Variants in PLD1 observed in about 807,000 individuals in gnomAD.
PLD1 encodes the protein choline phosphatase 1.
Under a neutral mutation model 137.1 loss-of-function variants are expected in PLD1, and 112 were observed. The ratio of observed to expected loss-of-function variants is 0.82; its 90% CI spans 0.70 to 0.96. The LOEUF (loss-of-function observed/expected upper bound fraction) is 0.96, where lower values mean the gene tolerates loss of function less well. Ranked by LOEUF, PLD1 falls within the 40% of genes least tolerant of loss-of-function variation. The probability of loss-of-function intolerance (pLI) is 0.00; values close to 1 mark genes in which losing one functional copy is unlikely to be tolerated. For synonymous variants in PLD1, 431 were observed against 454.7 expected (o/e 0.95, Z 0.66); for missense variants, 1,321 against 1,342.0 (o/e 0.98, Z 0.24).
At position 171,688,996 on chromosome 3, in the gene PLD1, A is replaced by AATT. The variant is rs1714859438; in HGVS notation, c.1339-121_1339-120insAAT. On this transcript the variant is annotated intron_variant, in intron 13 of 26. Coordinates refer to ENST00000351298, the MANE Select transcript of PLD1 (RefSeq NM_002662.5). Reference sequence around the variant, plus strand: ...TATAATTCAAATACCAAACTGTACAACGTATACACCAAAGAAAATAATTTT... The same window carrying AATT: ...TATAATTCAAATACCAAACTGTACAAATTCGTATACACCAAAGAAAATAATTTT... The AATT allele has an allele frequency of 4.1e-5, 28 of 688,776 alleles. No homozygotes were observed. The Admixed American group carries it at 5.2e-4, about 13-fold the overall frequency. 42.7% of individuals were successfully genotyped at this position (688,776 alleles called of 1,614,324 possible). A position where few individuals can be genotyped will look rare whatever the true frequency, so the allele number is the denominator to read the frequency against.
chr3:171,741,629 G>T (rs961522347), intron 1 of PLD1, among the ~76,000 whole-genome samples: 1 of 152,182 alleles, frequency 6.6e-6, no homozygotes, highest in African/African-American at 2.4e-5. Flanking sequence ...CCCATGGAGA[G>T]ATAAGAGCAG....
intron 1 of PLD1, among the ~76,000 whole-genome samples, chr3:171,787,231 C>T (rs1186524518): frequency 2.0e-5 from 3 of 152,184 alleles, no homozygotes; most frequent in African/African-American, 7.2e-5. Flanking sequence ...TACCAACTAA[C>T]AGGTAGCTGA....
chr3:171,761,385 C>A (rs928544863), intron 1 of PLD1, among the ~76,000 whole-genome samples: 2 of 152,198 alleles, frequency 1.3e-5, no homozygotes, highest in African/African-American at 4.8e-5. Context: ...AGAGCCAGCA[C>A]TCTCCAGGAG....
chr3:171,611,107 C>T (rs976676734), intron 25 of PLD1, among the ~76,000 whole-genome samples: 1 of 152,292 alleles, frequency 6.6e-6, no homozygotes, highest in South Asian at 2.1e-4. Context: ...GTGCCCTTCC[C>T]GAAAGGGCAT....
At chr3:171,643,745 C>CTTTG (rs3836455) in intron 22 of PLD1, among the ~76,000 whole-genome samples, 76,696 of 151,176 alleles carry the variant, frequency 0.51, 20,440 homozygotes, top group African/African-American at 0.68. Flanking sequence ...ACTTGAAAAG[C>CTTTG]TTTATCATTT....
chr3:171,715,340 C>T (rs1198179470), intron 8 of PLD1, among the ~76,000 whole-genome samples: 1 of 152,152 alleles, frequency 6.6e-6, no homozygotes, highest in Non-Finnish European at 1.5e-5. Flanking sequence ...CAATACCATA[C>T]TGTTTTGGTT....
chr3:171,611,773 G>A (rs1732677208), intron 25 of PLD1: 1 of 388,192 alleles, frequency 2.6e-6, no homozygotes, highest in Admixed American at 3.2e-5. Flanking sequence ...GGTTTGACCT[G>A]GTCTAGTCCT....
Position 171,612,134 on chromosome 3 carries a change from G to T in PLD1, c.2882+145C>A, listed in dbSNP as rs758404399. The T allele has an allele frequency of 7.2e-5, 46 of 635,184 alleles. No individual in the cohort carries two copies. Among genetic ancestry groups the T allele is most frequent in the Non-Finnish European group, 1.2e-4 (42 of 363,686 alleles). The allele number at this position is 635,184 out of a possible 1,614,324, so 39.3% of individuals were successfully genotyped here. On this transcript the variant is annotated intron_variant, in intron 25 of 26. Coordinates refer to ENST00000351298, the MANE Select transcript of PLD1 (RefSeq NM_002662.5). This position sits in a 1 kb window ranked among gnomAD's most constrained non-coding sequence, Gnocchi z 4.1. ...ACCTAAAGTCATTTCGCATACTACT[G>T]GTGGTACATATCCTATATTCTGGGA...
At chr3:171,655,844 G>A (rs1389869567) in intron 21 of PLD1, among the ~76,000 whole-genome samples, 1 of 152,176 alleles carries the variant, frequency 6.6e-6, no homozygotes, top group Non-Finnish European at 1.5e-5. Flanking sequence ...CTAAATGTGT[G>A]ACATATGTAC....
intron 1 of PLD1, among the ~76,000 whole-genome samples, chr3:171,758,447 C>A (rs770664559): frequency 5.3e-5 from 8 of 152,210 alleles, no homozygotes; most frequent in Non-Finnish European, 1.0e-4. Flanking sequence ...CACCATCTGT[C>A]TCTCTGGGAC....
chr3:171,797,991 G>C (rs1358787063), intron 1 of PLD1, among the ~76,000 whole-genome samples: 1 of 152,094 alleles, frequency 6.6e-6, no homozygotes, highest in Admixed American at 6.5e-5. Context: ...TGAAACAATA[G>C]ATAACAGTTA....
Position 171,602,999 on chromosome 3 carries a change from G to A in PLD1, c.*79C>T. The A allele has an allele frequency of 1.9e-6, 2 of 1,047,662 alleles. No homozygotes were observed. Among genetic ancestry groups the A allele is most frequent in the South Asian group, 2.6e-5 (2 of 76,110 alleles). The allele number at this position is 1,047,662 out of a possible 1,614,324, so 64.9% of individuals were successfully genotyped here. A position where few individuals can be genotyped will look rare whatever the true frequency, so the allele number is the denominator to read the frequency against. On this transcript the variant is annotated 3_prime_UTR_variant, in exon 27 of 27. Coordinates refer to ENST00000351298, the MANE Select transcript of PLD1 (RefSeq NM_002662.5). ...ACGAGAATGCGTCAGGCCTGGCTTT[G>A]GCTATGACATCCCCAGGAAGTCACT...
At chr3:171,727,093 T>C (rs887025349) in intron 6 of PLD1, among the ~76,000 whole-genome samples, 3 of 152,198 alleles carry the variant, frequency 2.0e-5, no homozygotes, top group Non-Finnish European at 4.4e-5. Flanking sequence ...TGTCACAAAA[T>C]ATTATTCTTT....
At chr3:171,647,813 C>A (rs978177183) in intron 21 of PLD1, among the ~76,000 whole-genome samples, 1 of 152,118 alleles carries the variant, frequency 6.6e-6, no homozygotes, top group African/African-American at 2.4e-5. Context: ...TCATAATGAT[C>A]TATTCCCAAA....
chr3:171,620,646 T>A (rs895015688), intron 23 of PLD1, 126 bp from the exon 24 acceptor site: 2 of 425,728 alleles, frequency 4.7e-6, no homozygotes, highest in Admixed American at 8.1e-5. Context: ...TATATGTATA[T>A]GTTTTCTATT....
At chr3:171,788,250 CTT>C (rs58878929) in intron 1 of PLD1, among the ~76,000 whole-genome samples, 22,273 of 107,892 alleles carry the variant, frequency 0.21, 440 homozygotes, top group Non-Finnish European at 0.22. Flanking sequence ...ATCTGCACTT[CTT>C]TTTTTTTTTT....
intron 1 of PLD1, among the ~76,000 whole-genome samples, chr3:171,759,680 G>A (rs147880675): frequency 3.1e-4 from 47 of 152,312 alleles, no homozygotes; most frequent in African/African-American, 1.1e-3. Context: ...GTGTATGTAC[G>A]TGGCTTTGTG....
intron 23 of PLD1, among the ~76,000 whole-genome samples, chr3:171,626,723 C>T (rs1734145016): frequency 1.3e-5 from 2 of 151,274 alleles, no homozygotes; most frequent in South Asian, 4.1e-4. Flanking sequence ...AAAGAATTTT[C>T]AACCCAGAAT....
chr3:171,674,503 T>C lies in PLD1; in HGVS notation c.2226A>G (p.Val742=). 6.5e-7 allele frequency: 1 copy of C among 1,535,394 alleles called. No homozygotes were observed. The highest frequency in any genetic ancestry group is 9.0e-7 in the Non-Finnish European group (1 of 1,115,782). ...AGAAAAGCCAGAACTTACTTACCTG[T>C]ACGTTAGCATGGACAGACCCAGGCA... ...YQVPGSVHAN[V]QLLRSAADWS... is the part of the protein sequence containing the mutation. The change falls in exon 19 of 27, where the codon GTA becomes GTG. Residue 742 remains valine (V), a synonymous_variant. Coordinates refer to ENST00000351298, the MANE Select transcript of PLD1 (RefSeq NM_002662.5).
Sources: gnomAD v4.1 joint callset for allele counts (sites outside exome capture counted in the v4.1 genomes callset) on GRCh38, gnomAD v4.1.1 for gene constraint, Gnocchi (gnomAD v3.1) non-coding constraint, MANE v1.5 for transcripts, NCBI Gene and HGNC (gene_info 2026-07-23, HGNC 2026-07-21) for gene names.